PTH2R: variants seen among roughly 807,000 people sequenced by gnomAD.
PTH2R encodes the protein PTH2 receptor.
Under a neutral mutation model 60.3 loss-of-function variants are expected in PTH2R, and 59 were observed. That is an observed-to-expected ratio of 0.98 (90% CI 0.79 to 1.22). The LOEUF is 1.22. Among genes scored for constraint, PTH2R ranks in the 50% most tolerant of loss-of-function variants. The pLI is 0.00. For synonymous variants in PTH2R, 256 were observed against 243.8 expected (o/e 1.05, Z -0.47); for missense variants, 749 against 682.6 (o/e 1.10, Z -1.08).
intron 9 of PTH2R, among the ~76,000 whole-genome samples, chr2:208,469,557 A>C (rs921837465): frequency 1.3e-5 from 2 of 152,182 alleles, no homozygotes; most frequent in African/African-American, 4.8e-5. Flanking sequence ...ATAACCATAG[A>C]CTGCAGTATA....
intron 1 of PTH2R, among the ~76,000 whole-genome samples, chr2:208,410,384 C>T (rs1701515700): frequency 6.6e-6 from 1 of 152,174 alleles, no homozygotes; most frequent in Admixed American, 6.5e-5. Flanking sequence ...CTGGGGCCCA[C>T]CCCTCCTACT....
chr2:208,419,062 T>C (rs1415570251), intron 1 of PTH2R, among the ~76,000 whole-genome samples: 1 of 152,172 alleles, frequency 6.6e-6, no homozygotes, highest in African/African-American at 2.4e-5. Context: ...GGTCAAATGG[T>C]ATTTCTAGTT....
In PTH2R at chr2:208,416,750, G is replaced by T. The variant is rs536833188; in HGVS notation, c.75+9632G>T. ...GTGGTCACAATCAGCTGCCAGCATG[G>T]CTAGAATATAAACAGGTAGAAAAAT... On this transcript the variant is annotated intron_variant, in intron 1 of 12. Coordinates refer to ENST00000272847, the MANE Select transcript of PTH2R (RefSeq NM_005048.4). Among the ~76,000 whole-genome samples the T allele has an allele frequency of 2.6e-5, 4 of 152,264 alleles. No individual in the cohort carries two copies. The East Asian group carries it at 7.7e-4, about 29-fold the overall frequency.
At chr2:208,365,956 ATATATTTTTTTTTTTTTTTTTTTTT>A (rs2125866604) in intron 1 of PTH2R, among the ~76,000 whole-genome samples, 1 of 19,448 alleles carries the variant, frequency 5.1e-5, no homozygotes, top group East Asian at 2.2e-3. Context: ...ATATATATAT[ATATATTTTTTTTTTTTTTTTTTTTT>A]TTTTTTTTTT....
At chr2:208,404,284 T>C (rs1372184964), upstream of PTH2R, among the ~76,000 whole-genome samples, 2 of 152,100 alleles carry the variant, frequency 1.3e-5, no homozygotes, top group Non-Finnish European at 2.9e-5. Flanking sequence ...GGAAATGGCA[T>C]GGTACCAAGC....
intron 9 of PTH2R, among the ~76,000 whole-genome samples, chr2:208,479,480 A>G (rs1703095855): frequency 1.3e-5 from 2 of 152,142 alleles, no homozygotes; most frequent in African/African-American, 2.4e-5. Flanking sequence ...CCTCAGCTAC[A>G]TCGTATTGCC....
At chr2:208,423,111 A>T (rs1314071798) in intron 1 of PTH2R, among the ~76,000 whole-genome samples, 2 of 149,348 alleles carry the variant, frequency 1.3e-5, no homozygotes, top group Non-Finnish European at 3.0e-5. Flanking sequence ...TAACTTTATG[A>T]TGTCCTTCTT....
chr2:208,465,305 G>A (rs1218848245), intron 9 of PTH2R, among the ~76,000 whole-genome samples: 1 of 149,228 alleles, frequency 6.7e-6, no homozygotes, highest in Admixed American at 6.7e-5. Context: ...GGTATGAGGT[G>A]TTAGCTTGTG....
rs185259850 is a variant in PTH2R at position 208,364,972 on chromosome 2, T to A, written c.-259+4735T>A. Among the ~76,000 whole-genome samples, 17 of 152,260 alleles carry A rather than the reference T, an allele frequency of 1.1e-4. No individual in the cohort carries two copies. The East Asian group carries it at 3.3e-3, about 29-fold the overall frequency. The stretch of plus-strand genomic sequence containing the variant: ...TTTTCAGATGCTTTCACTATTTGTG[T>A]ATAGAAATGTAACTGATTTTTTGTA... On this transcript the variant is annotated intron_variant, in intron 1 of 12. Transcript: ENST00000617735.
chr2:208,389,179 G>A (rs1218475449), intron 1 of PTH2R, among the ~76,000 whole-genome samples: 1 of 150,010 alleles, frequency 6.7e-6, no homozygotes, highest in African/African-American at 2.5e-5. Flanking sequence ...CTGAACATTA[G>A]GAATATGCCA....
intron 1 of PTH2R, among the ~76,000 whole-genome samples, chr2:208,373,473 T>C (rs939948962): frequency 6.6e-5 from 10 of 152,102 alleles, no homozygotes; most frequent in Admixed American, 5.9e-4. Flanking sequence ...TACAAAAATA[T>C]GTGTGCCAGG....
At chr2:208,380,626 T>C (rs1419761214) in intron 1 of PTH2R, among the ~76,000 whole-genome samples, 4 of 152,068 alleles carry the variant, frequency 2.6e-5, no homozygotes, top group African/African-American at 9.7e-5. Context: ...TCCTGCCTGG[T>C]GGGTGCAGCC....
chr2:208,437,836 T>A lies in PTH2R; in HGVS notation c.366T>A (p.Tyr122Ter). 6.2e-7 allele frequency: 1 copy of A among 1,613,928 alleles called. No homozygotes were observed. Among genetic ancestry groups the A allele is most frequent in the Non-Finnish European group, 8.5e-7 (1 of 1,179,806 alleles). The change falls in exon 4 of 13, where the codon TAT becomes TAA. Residue 122 changes from tyrosine to a stop codon, truncating the protein, a stop_gained. Coordinates refer to ENST00000272847, the MANE Select transcript of PTH2R (RefSeq NM_005048.4). LOFTEE classifies it high-confidence loss of function. ...GCTTAAATAAAACATGGGCCAATTA[T>A]TCAGACTGCCTTCGCTTTCTGCAGC... is the stretch of plus-strand genomic sequence containing the variant. ...MHSLNKTWAN[Y>*]SDCLRFLQPD...
chr2:208,472,361 T>C (rs1559230296), intron 9 of PTH2R, among the ~76,000 whole-genome samples: 1 of 152,168 alleles, frequency 6.6e-6, no homozygotes, highest in East Asian at 1.9e-4. Flanking sequence ...TCTTTGATAA[T>C]AGATAACAAG....
chr2:208,490,511 T>C (rs77683617), intron 11 of PTH2R, 128 bp from the exon 12 acceptor site: 1 of 766,914 alleles, frequency 1.3e-6, no homozygotes, highest in Admixed American at 3.1e-5. Context: ...TAGGAGAGAA[T>C]AATTTGTATA....
chr2:208,442,396 T>C lies in PTH2R; in HGVS notation c.444T>C (p.Tyr148=), dbSNP rs184250505. 216 of 1,613,406 alleles carry C rather than the reference T, an allele frequency of 1.3e-4. No individual in the cohort carries two copies. The East Asian group carries it at 4.6e-3, about 34-fold the overall frequency. The change falls in exon 5 of 13, where the codon TAT becomes TAC. Residue 148 remains tyrosine (Y), a synonymous_variant. Coordinates refer to ENST00000272847, the MANE Select transcript of PTH2R (RefSeq NM_005048.4). ...TCTTTGAACGCCTCTATGTAATGTA[T>C]ACCGTTGGCTACTCCATCTCTTTTG... The part of the protein sequence containing the change: ...QEFFERLYVM[Y]TVGYSISFGS...
chr2:208,429,496 A>G (rs1574864788), intron 2 of PTH2R, among the ~76,000 whole-genome samples: 1 of 152,258 alleles, frequency 6.6e-6, no homozygotes, highest in African/African-American at 2.4e-5. Context: ...CTTGTCCTTC[A>G]TATTTAAAAA....
intron 9 of PTH2R, among the ~76,000 whole-genome samples, chr2:208,468,275 C>T (rs1371394471): frequency 6.6e-6 from 1 of 152,178 alleles, no homozygotes; most frequent in Non-Finnish European, 1.5e-5. Flanking sequence ...ATAATAACAA[C>T]AACAAACACG....
chr2:208,433,264 C>CT (rs1171575016), intron 2 of PTH2R, among the ~76,000 whole-genome samples: 1 of 152,180 alleles, frequency 6.6e-6, no homozygotes, highest in African/African-American at 2.4e-5. Flanking sequence ...GCATGGAGAT[C>CT]TTTTTCTATG....
Sources: allele counts gnomAD v4.1 joint callset (sites outside exome capture counted in the v4.1 genomes callset), GRCh38; gene constraint gnomAD v4.1.1; transcripts MANE v1.5; gene names NCBI Gene and HGNC (gene_info 2026-07-23, HGNC 2026-07-21).